Variants in GLDN observed in about 807,000 individuals in gnomAD.
GLDN encodes the protein gliomedin.
A neutral mutation model predicts 56.5 loss-of-function variants in GLDN; 47 were observed. The observed-to-expected ratio is 0.83, with a 90% CI of 0.66 to 1.06. The LOEUF (loss-of-function observed/expected upper bound fraction) is 1.06, where lower values mean the gene tolerates loss of function less well. Ranked by LOEUF, GLDN falls within the 50% of genes least tolerant of loss-of-function variation. The probability of loss-of-function intolerance (pLI) is 0.00; values close to 1 mark genes in which losing one functional copy is unlikely to be tolerated. For synonymous variants in GLDN, 332 were observed against 278.8 expected, an observed-to-expected ratio of 1.19 and a Z score of -1.90; for missense variants, 782 against 714.3, an observed-to-expected ratio of 1.09 and a Z score of -1.08.
chr15:51,394,799 A>G, intron 4 of GLDN, 36 bp from the exon 5 acceptor site: 1 of 1,612,602 alleles, frequency 6.2e-7, no homozygotes. Context: ...AACTTTTTGC[A>G]CCATAGGCTA....
chr15:51,408,501 T>G (rs2038428942), downstream of GLDN, among the ~76,000 whole-genome samples: 1 of 152,226 alleles, frequency 6.6e-6, no homozygotes, highest in South Asian at 2.1e-4. Flanking sequence ...ACTTTTATTG[T>G]TCCTCCCTGC....
chr15:51,342,663 G>A (rs1330600451), intron 1 of GLDN, among the ~76,000 whole-genome samples: 1 of 152,180 alleles, frequency 6.6e-6, no homozygotes, highest in African/African-American at 2.4e-5. Flanking sequence ...TTCCAAATGA[G>A]GGACGTCAAT....
At chr15:51,401,289 G>A (rs1339933127) in intron 8 of GLDN, among the ~76,000 whole-genome samples, 1 of 152,222 alleles carries the variant, frequency 6.6e-6, no homozygotes, top group Non-Finnish European at 1.5e-5. Context: ...CCTGTTGAAG[G>A]CCTATGCCAC....
intron 1 of GLDN, among the ~76,000 whole-genome samples, chr15:51,375,684 A>G (rs1199133173): frequency 6.6e-6 from 1 of 152,176 alleles, no homozygotes; most frequent in African/African-American, 2.4e-5. Context: ...GTGGTCATCC[A>G]GTGGGGAGTG....
intron 1 of GLDN, among the ~76,000 whole-genome samples, chr15:51,371,893 C>T (rs2037524375): frequency 6.6e-6 from 1 of 152,166 alleles, no homozygotes; most frequent in African/African-American, 2.4e-5. Context: ...CCATATTGGC[C>T]AGGCTGGTCT....
At chr15:51,350,382 C>T (rs529501838) in intron 1 of GLDN, among the ~76,000 whole-genome samples, 11 of 152,196 alleles carry the variant, frequency 7.2e-5, no homozygotes, top group African/African-American at 2.6e-4. Context: ...GATTAGAGGC[C>T]TGATACAGGA....
intron 4 of GLDN, among the ~76,000 whole-genome samples, chr15:51,386,320 G>A (rs576478242): frequency 1.3e-5 from 2 of 152,160 alleles, no homozygotes; most frequent in Admixed American, 6.5e-5. Context: ...AGCCCAGCTC[G>A]ATGGGATCGC....
intron 2 of GLDN, among the ~76,000 whole-genome samples, chr15:51,379,935 AT>A (rs1566944289): frequency 3.3e-5 from 5 of 152,146 alleles, no homozygotes; most frequent in Admixed American, 3.3e-4. Flanking sequence ...GAAGCATAGA[AT>A]ACTTATGGGG....
downstream of GLDN, among the ~76,000 whole-genome samples, chr15:51,408,931 T>C (rs2038434138): frequency 6.6e-6 from 1 of 151,858 alleles, no homozygotes; most frequent in Admixed American, 6.5e-5. Flanking sequence ...CAGTCTATCA[T>C]TGTTGGACAT....
At chr15:51,352,267 T>C (rs745317853) in intron 1 of GLDN, among the ~76,000 whole-genome samples, 1 of 152,182 alleles carries the variant, frequency 6.6e-6, no homozygotes, top group Non-Finnish European at 1.5e-5. Context: ...TAATCATTTT[T>C]ATGATTTTAT....
At chr15:51,412,542 A>G (rs911868654), downstream of GLDN, among the ~76,000 whole-genome samples, 1 of 152,178 alleles carries the variant, frequency 6.6e-6, no homozygotes, top group African/African-American at 2.4e-5. Context: ...GCTCTGGAAT[A>G]TACTTTTGCT....
intron 4 of GLDN, among the ~76,000 whole-genome samples, chr15:51,391,808 T>A (rs1010367187): frequency 6.6e-6 from 1 of 152,228 alleles, no homozygotes; most frequent in Admixed American, 6.5e-5. Flanking sequence ...GGCCCCCTGC[T>A]CCTCTTCACA....
rs1016861963 is a variant in GLDN, at chr15:51,341,766, G to C, written c.82G>C (p.Ala28Pro). The C allele has an allele frequency of 1.3e-5, 20 of 1,490,898 alleles. No individual in the cohort carries two copies. Among genetic ancestry groups the C allele is most frequent in the Non-Finnish European group, 1.5e-5 (17 of 1,130,448 alleles). 92.4% of individuals were successfully genotyped at this position (1,490,898 alleles called of 1,614,324 possible). A position where few individuals can be genotyped will look rare whatever the true frequency, so the allele number is the denominator to read the frequency against. Residue 28 changes from alanine (A) to proline (P), a missense_variant, in exon 1 of 10, where the codon GCG becomes CCG. By Grantham distance (27) the Ala-to-Pro change is conservative. Transcript: ENST00000335449. ...CCTGGCGGCCGTGGCGCTGCTCTCG[G>C]CGCTCAACGCTGCGGGCACGGTGTT... is the stretch of plus-strand genomic sequence containing the variant. ...GALAAVALLSALNAAGTVFAL... is the reference protein window; with the variant it reads ...GALAAVALLSPLNAAGTVFAL...
At chr15:51,347,350 A>C (rs534954140) in intron 1 of GLDN, among the ~76,000 whole-genome samples, 30 of 152,314 alleles carry the variant, frequency 2.0e-4, no homozygotes, top group African/African-American at 6.7e-4. Flanking sequence ...GTGGCCCAGG[A>C]TGGCTTTGAA....
At chr15:51,350,370 G>A (rs965092173) in intron 1 of GLDN, among the ~76,000 whole-genome samples, 1 of 152,194 alleles carries the variant, frequency 6.6e-6, no homozygotes, top group Non-Finnish European at 1.5e-5. Context: ...GAGCTGATGA[G>A]AGATTAGAGG....
intron 8 of GLDN, 72 bp from the exon 9 acceptor site, chr15:51,401,521 T>C: frequency 2.1e-6 from 3 of 1,423,330 alleles, no homozygotes; most frequent in Non-Finnish European, 1.9e-6. Context: ...TTGAAATTCC[T>C]CCCAAGGACT....
intron 1 of GLDN, among the ~76,000 whole-genome samples, chr15:51,348,790 G>A (rs920136580): frequency 6.6e-6 from 1 of 152,194 alleles, no homozygotes. Context: ...TAGGGGCCAT[G>A]TTAGGACTTC....
In GLDN at chr15:51,341,972, C is replaced by G; in HGVS notation, c.288C>G (p.His96Gln). The change falls in exon 1 of 10, where the codon CAC (histidine) becomes CAG (glutamine). Residue 96 changes from histidine to glutamine, a missense_variant. Physicochemically the swap from His to Gln is conservative, Grantham distance 24. Coordinates refer to ENST00000335449, the MANE Select transcript of GLDN (RefSeq NM_181789.4). ...GCTCAGCTCGCAACAAGCGCAGCCA[C>G]AGCGGCGAGCCCGCGCCGCATATCC... ...PASSARNKRS[H>Q]SGEPAPHIRA... The G allele has an allele frequency of 6.3e-7, 1 of 1,597,662 alleles. No homozygotes were observed. Among genetic ancestry groups the G allele is most frequent in the Non-Finnish European group, 8.5e-7 (1 of 1,179,490 alleles).
chr15:51,382,742 A>G (rs1001929598), intron 2 of GLDN, among the ~76,000 whole-genome samples: 6 of 151,026 alleles, frequency 4.0e-5, no homozygotes, highest in African/African-American at 1.5e-4. Flanking sequence ...AAAAAAAAAG[A>G]AAAGAAAAGA....
Sources: allele counts gnomAD v4.1 joint callset (sites outside exome capture counted in the v4.1 genomes callset), GRCh38; gene constraint gnomAD v4.1.1; transcripts MANE v1.5; gene names NCBI Gene and HGNC (gene_info 2026-07-23, HGNC 2026-07-21).